Variants in TBC1D14 observed in about 807,000 individuals in gnomAD.
TBC1D14 encodes TBC1 domain family, member 14.
TBC1D14 carries 26 observed loss-of-function variants against 79.0 expected under a neutral mutation model. The observed-to-expected ratio is 0.33, with a 90% CI of 0.24 to 0.46. The LOEUF is 0.46. TBC1D14 is among the 20% of genes least tolerant of loss of function. The pLI is 1.00. For synonymous variants in TBC1D14, 394 were observed against 349.9 expected (o/e 1.13, Z -1.40); for missense variants, 769 against 887.6 (o/e 0.87, Z 1.70).
chr4:6,926,509 A>G (rs1429250258), intron 2 of TBC1D14, among the ~76,000 whole-genome samples: 1 of 152,194 alleles, frequency 6.6e-6, no homozygotes, highest in South Asian at 2.1e-4. Flanking sequence ...TTGGTTCCTT[A>G]TCCTCGTTGT....
At chr4:7,022,798 C>T (rs1418643057) in intron 12 of TBC1D14, among the ~76,000 whole-genome samples, 1 of 151,720 alleles carries the variant, frequency 6.6e-6, no homozygotes, top group Non-Finnish European at 1.5e-5. Flanking sequence ...TATGGAGACT[C>T]ACACATAAAT....
intron 2 of TBC1D14, among the ~76,000 whole-genome samples, chr4:6,963,761 A>G (rs544916291): frequency 6.6e-6 from 1 of 152,330 alleles, no homozygotes; most frequent in Admixed American, 6.5e-5. Flanking sequence ...ATGGCCTATC[A>G]TATGAGCCTA....
intron 3 of TBC1D14, among the ~76,000 whole-genome samples, chr4:6,978,343 T>C (rs1314410860): frequency 2.0e-5 from 3 of 148,034 alleles, no homozygotes; most frequent in East Asian, 3.9e-4. Context: ...ATGGTTGCTG[T>C]GTCTGTGTAG....
chr4:6,992,015 G>C (rs1367908377), intron 3 of TBC1D14, among the ~76,000 whole-genome samples: 1 of 152,166 alleles, frequency 6.6e-6, no homozygotes, highest in Non-Finnish European at 1.5e-5. Context: ...CCTTTCCCGT[G>C]GTTTCAGGTC....
intron 3 of TBC1D14, chr4:6,987,624 GAGAGAC>G (rs1468282570): frequency 2.6e-6 from 1 of 381,336 alleles, no homozygotes; most frequent in Non-Finnish European, 4.7e-6. Context: ...CTAGGACGAC[GAGAGAC>G]AGCGTGAGCG....
chr4:6,998,796 C>T (rs1014279232), intron 5 of TBC1D14: 4 of 264,278 alleles, frequency 1.5e-5, no homozygotes, highest in Middle Eastern at 1.3e-3. Context: ...GCCTTGGCTT[C>T]CCAAAGTGCT....
At chr4:6,973,953 A>G (rs756675970) in intron 3 of TBC1D14, among the ~76,000 whole-genome samples, 2 of 152,038 alleles carry the variant, frequency 1.3e-5, no homozygotes, top group Admixed American at 6.6e-5. Flanking sequence ...CCTCCTGAGT[A>G]GCTGGGACTA....
Position 6,913,002 on chromosome 4 carries a change from C to T in TBC1D14, c.-18+3051C>T, listed in dbSNP as rs376297065. Among the ~76,000 whole-genome samples the T allele has an allele frequency of 9.2e-5, 14 of 152,176 alleles. No individual in the cohort carries two copies. The East Asian group carries it at 1.5e-3, about 17-fold the overall frequency. ...TTGTTTTGTTCTGTTCTATTCTATT[C>T]TATTTTTTGAGACAGCGTTTCGCTC... On this transcript the variant is annotated intron_variant, in intron 1 of 13. Coordinates refer to ENST00000409757, the MANE Select transcript of TBC1D14 (RefSeq NM_020773.3).
At chr4:6,968,257 C>T (rs1255947257) in intron 3 of TBC1D14, among the ~76,000 whole-genome samples, 3 of 152,134 alleles carry the variant, frequency 2.0e-5, no homozygotes, top group Non-Finnish European at 4.4e-5. Context: ...GACACAGTAC[C>T]CGTGCCCAAC....
intron 2 of TBC1D14, among the ~76,000 whole-genome samples, chr4:6,953,852 T>A (rs1296167481): frequency 6.6e-6 from 1 of 150,554 alleles, no homozygotes; most frequent in East Asian, 1.9e-4. Context: ...CCTGGCACAC[T>A]GCAGACGCTC....
intron 2 of TBC1D14, among the ~76,000 whole-genome samples, chr4:6,927,480 C>T (rs536558221): frequency 3.1e-4 from 47 of 152,248 alleles, no homozygotes; most frequent in South Asian, 8.3e-4. Flanking sequence ...CTTGGCACTC[C>T]GGAAGTAGTA....
intron 12 of TBC1D14, 78 bp downstream of exon 12, chr4:7,014,635 C>T: frequency 1.0e-6 from 1 of 1,001,090 alleles, no homozygotes; most frequent in Non-Finnish European, 1.5e-6. Flanking sequence ...CTGCCAACTT[C>T]TTCATGGCCC....
At chr4:6,919,991 T>G (rs1414419650) in intron 1 of TBC1D14, among the ~76,000 whole-genome samples, 1 of 150,976 alleles carries the variant, frequency 6.6e-6, no homozygotes, top group African/African-American at 2.4e-5. Context: ...CACAGCTTAC[T>G]ACTGTCTTGA....
At chr4:7,007,914 T>C (rs1401907637) in intron 9 of TBC1D14, among the ~76,000 whole-genome samples, 2 of 152,084 alleles carry the variant, frequency 1.3e-5, no homozygotes, top group African/African-American at 2.4e-5. Flanking sequence ...CTCACCAGGC[T>C]CTCAGAGGGA....
Position 7,029,373 on chromosome 4 carries a change from G to T in TBC1D14, c.2017-954G>T, listed in dbSNP as rs573236624. Among the ~76,000 whole-genome samples, 3 of 152,338 alleles carry T rather than the reference G, an allele frequency of 2.0e-5. No individual in the cohort carries two copies. The East Asian group carries it at 5.8e-4, about 29-fold the overall frequency. Reference sequence around the variant, plus strand: ...CTTGGACTTTGAGCACGTCACTTCCGTACATGTCTGTTGTTCAGGCCCCTC... The same window carrying T: ...CTTGGACTTTGAGCACGTCACTTCCTTACATGTCTGTTGTTCAGGCCCCTC... On this transcript the variant is annotated intron_variant, in intron 13 of 13. Transcript: ENST00000409757.
intron 1 of TBC1D14, among the ~76,000 whole-genome samples, chr4:6,918,410 C>T (rs1285819512): frequency 6.6e-6 from 1 of 152,212 alleles, no homozygotes; most frequent in African/African-American, 2.4e-5. Flanking sequence ...GGCTTACATT[C>T]GTGTTTTGCT....
intron 2 of TBC1D14, among the ~76,000 whole-genome samples, chr4:6,932,390 AAGACTT>A (rs1711844921): frequency 6.6e-6 from 1 of 151,394 alleles, no homozygotes; most frequent in Admixed American, 6.6e-5. Flanking sequence ...AAAAAAAAAA[AAGACTT>A]GAAGATGTCA....
intron 2 of TBC1D14, among the ~76,000 whole-genome samples, chr4:6,938,836 T>C (rs1712600925): frequency 6.6e-6 from 1 of 152,288 alleles, no homozygotes; most frequent in East Asian, 1.9e-4. Context: ...CGGGCTGGCC[T>C]CCCAGGGGCC....
At chr4:6,960,318 CTGAGCTCAAG>C (rs1715072267) in intron 2 of TBC1D14, among the ~76,000 whole-genome samples, 1 of 151,496 alleles carries the variant, frequency 6.6e-6, no homozygotes, top group Admixed American at 6.6e-5. Flanking sequence ...TCTCAAACTC[CTGAGCTCAAG>C]TGATCCGCCC....
Sources: allele counts gnomAD v4.1 joint callset (sites outside exome capture counted in the v4.1 genomes callset), GRCh38; gene constraint gnomAD v4.1.1; transcripts MANE v1.5; gene names NCBI Gene and HGNC (gene_info 2026-07-23, HGNC 2026-07-21).